The following LRP12 variants were observed in gnomAD, a reference collection of about 807,000 sequenced individuals.
LRP12 encodes LDL receptor related protein 12.
A neutral mutation model predicts 66.0 loss-of-function variants in LRP12; 14 were observed. That is an observed-to-expected ratio of 0.21 (90% confidence interval 0.14 to 0.33). LRP12 has a LOEUF of 0.33. LRP12 is among the 10% of genes least tolerant of loss of function. The pLI is 1.00. For missense variants in LRP12, 889 were observed against 1,053.4 expected, an observed-to-expected ratio of 0.84 and a Z score of 2.16; for synonymous variants, 357 against 359.1, an observed-to-expected ratio of 0.99 and a Z score of 0.07.
At chr8:104,527,061 G>A (rs1811250330) in intron 2 of LRP12, among the ~76,000 whole-genome samples, 1 of 151,198 alleles carries the variant, frequency 6.6e-6, no homozygotes, top group African/African-American at 2.5e-5. Context: ...CATTTATGCA[G>A]CCAAAAGACA....
intron 2 of LRP12, among the ~76,000 whole-genome samples, chr8:104,509,358 A>C (rs528505151): frequency 6.6e-6 from 1 of 152,320 alleles, no homozygotes; most frequent in East Asian, 1.9e-4. Context: ...GAAAATAGTA[A>C]ATGGAAAATT....
rs529342886 is a variant in LRP12, at chr8:104,491,057, A to T, written c.2196T>A (p.Arg732=). The T allele has an allele frequency of 6.2e-7, 1 of 1,614,148 alleles. No individual in the cohort carries two copies. The highest frequency in any genetic ancestry group is 2.2e-5 in the East Asian group (1 of 44,882). The part of the protein sequence containing the change: ...ARHQLTSALS[R]MTQGLRWVRF... ...GTACCCAGCGTAGCCCCTGAGTCAT[A>T]CGACTGAGTGCACTTGTAAGCTGGT... The change falls in exon 7 of 7, where the codon CGT becomes CGA. Residue 732 remains arginine, a synonymous_variant. Coordinates refer to ENST00000276654, the MANE Select transcript of LRP12 (RefSeq NM_013437.5).
At position 104,536,372 on chromosome 8, in the gene LRP12, T is replaced by C. The variant is rs192813002; in HGVS notation, c.80-4409A>G. Among the ~76,000 whole-genome samples the C allele has an allele frequency of 5.3e-5, 8 of 152,218 alleles. No individual in the cohort carries two copies. In the East Asian group the frequency reaches 1.2e-3, roughly 22 times the overall value. ...CTTTAGCATCTGACACTGTCACTTTTTGAAAATTTATCACATTTGTTTTAT... is the reference window on the plus strand; with the variant it reads ...CTTTAGCATCTGACACTGTCACTTTCTGAAAATTTATCACATTTGTTTTAT... On this transcript the variant is annotated intron_variant, in intron 1 of 6. Coordinates refer to ENST00000276654, the MANE Select transcript of LRP12 (RefSeq NM_013437.5).
chr8:104,496,883 C>T (rs1810736916), intron 5 of LRP12, 89 bp downstream of exon 5: 2 of 1,297,862 alleles, frequency 1.5e-6, no homozygotes, highest in African/African-American at 1.5e-5. Flanking sequence ...TAATATAAAA[C>T]AAAAATACAT....
At chr8:104,571,390 T>A (rs1351751696) in intron 1 of LRP12, among the ~76,000 whole-genome samples, 1 of 152,162 alleles carries the variant, frequency 6.6e-6, no homozygotes, top group African/African-American at 2.4e-5. Context: ...ATAATCCCCA[T>A]AATCTTTATA....
chr8:104,548,445 AT>A, intron 1 of LRP12, among the ~76,000 whole-genome samples: 1 of 117,616 alleles, frequency 8.5e-6, no homozygotes, highest in South Asian at 2.3e-4. Context: ...ATTCTATATT[AT>A]ATTATATTTT....
rs1554709895 is a variant in LRP12, at chr8:104,548,183, A to AATATATT, written c.80-16221_80-16220insAATATAT. ...AATTATTATATATAATATAATATAT[A>AATATATT]ATATATATATAAATATATGATATAT... On this transcript the variant is annotated intron_variant, in intron 1 of 6. Transcript: ENST00000276654. Among the ~76,000 whole-genome samples the AATATATT allele has an allele frequency of 4.2e-5, 4 of 95,558 alleles. No homozygotes were observed. The South Asian group carries it at 1.1e-3, about 27-fold the overall frequency. The allele number at this position is 95,558 out of a possible 152,430, so 62.7% of individuals were successfully genotyped here. A position where few individuals can be genotyped will look rare whatever the true frequency, so the allele number is the denominator to read the frequency against.
At position 104,509,083 on chromosome 8, in the gene LRP12, T is replaced by G. The variant is rs199631267; in HGVS notation, c.137-9A>C. On this transcript the variant is annotated splice_polypyrimidine_tract_variant and intron_variant, in intron 2 of 6. Transcript: ENST00000276654. ...TGGAGTCTCTCCACAAGCTGGAAGATAGCCAAAGCAATCTTTCCTTATTAT... is the reference window on the plus strand; with the variant it reads ...TGGAGTCTCTCCACAAGCTGGAAGAGAGCCAAAGCAATCTTTCCTTATTAT... The G allele has an allele frequency of 1.2e-6, 2 of 1,610,522 alleles. No individual in the cohort carries two copies. The highest frequency in any genetic ancestry group is 1.3e-5 in the African/African-American group (1 of 74,888).
intron 1 of LRP12, among the ~76,000 whole-genome samples, chr8:104,555,541 G>GAAAT (rs1053207209): frequency 6.6e-6 from 1 of 151,762 alleles, no homozygotes; most frequent in Non-Finnish European, 1.5e-5. Flanking sequence ...CAGTAAAAAA[G>GAAAT]AAATAAATAA....
chr8:104,587,671 C>T (rs1482264364), intron 1 of LRP12, among the ~76,000 whole-genome samples: 1 of 152,134 alleles, frequency 6.6e-6, no homozygotes, highest in Non-Finnish European at 1.5e-5. Flanking sequence ...CATTCAATTC[C>T]GTAGATAAAT....
chr8:104,562,717 T>C (rs375028777), intron 1 of LRP12, among the ~76,000 whole-genome samples: 1 of 152,220 alleles, frequency 6.6e-6, no homozygotes, highest in East Asian at 1.9e-4. Flanking sequence ...CTATAAATTG[T>C]CTTTTGTCCA....
chr8:104,523,817 T>C (rs1811186345), intron 2 of LRP12, among the ~76,000 whole-genome samples: 1 of 152,226 alleles, frequency 6.6e-6, no homozygotes, highest in Admixed American at 6.5e-5. Context: ...GCTGCCCATC[T>C]TATCAAACAG....
chr8:104,578,709 C>T (rs1234857062), intron 1 of LRP12, among the ~76,000 whole-genome samples: 1 of 152,132 alleles, frequency 6.6e-6, no homozygotes, highest in Non-Finnish European at 1.5e-5. Context: ...TCCAGTAGCA[C>T]ATCAAAAAGC....
chr8:104,563,019 G>A (rs553437039), intron 1 of LRP12, among the ~76,000 whole-genome samples: 3 of 152,080 alleles, frequency 2.0e-5, no homozygotes, highest in East Asian at 1.9e-4. Context: ...TTTTGTTTAC[G>A]GAGATCTCCA....
intron 1 of LRP12, among the ~76,000 whole-genome samples, chr8:104,559,450 CG>C (rs113096114): frequency 0.071 from 10,810 of 151,788 alleles, 1,096 homozygotes; most frequent in African/African-American, 0.23. Flanking sequence ...TTTGGGGACT[CG>C]GGGGAAAAGA....
rs147880737 is a variant in LRP12 at position 104,536,158 on chromosome 8, A to G, written c.80-4195T>C. ...AGCTCTCCACAGTCCGATTCTTCCT[A>G]ACTACTTCTAAATCTTTACCTCTTG... On this transcript the variant is annotated intron_variant, in intron 1 of 6. Transcript: ENST00000276654. Among the ~76,000 whole-genome samples the G allele has an allele frequency of 2.4e-3, 358 of 152,152 alleles. 2 individuals are homozygous for G. Among genetic ancestry groups the G allele is most frequent in the African/African-American group, 8.2e-3 (340 of 41,550 alleles).
chr8:104,549,478 C>T (rs938519500), intron 1 of LRP12, among the ~76,000 whole-genome samples: 7 of 148,534 alleles, frequency 4.7e-5, no homozygotes, highest in Admixed American at 3.4e-4. Context: ...TCTCGGCTCA[C>T]CGCAAGCTCT....
At chr8:104,508,902 T>G in intron 3 of LRP12, 37 bp downstream of exon 3, 2 of 1,527,840 alleles carry the variant, frequency 1.3e-6, no homozygotes, top group Non-Finnish European at 1.8e-6. Context: ...TTATGTTTTG[T>G]AATAAATTAT....
chr8:104,521,710 T>C (rs1274962719), intron 2 of LRP12, among the ~76,000 whole-genome samples: 1 of 151,756 alleles, frequency 6.6e-6, no homozygotes, highest in Non-Finnish European at 1.5e-5. Context: ...GTTCTGTTTT[T>C]ATATTCTGAA....
Sources: gnomAD v4.1 joint callset for allele counts (sites outside exome capture counted in the v4.1 genomes callset) on GRCh38, gnomAD v4.1.1 for gene constraint, MANE v1.5 for transcripts, NCBI Gene and HGNC (gene_info 2026-07-23, HGNC 2026-07-21) for gene names.